PAK2: variants seen among roughly 807,000 people sequenced by gnomAD.
The protein encoded by PAK2 is p21 (RAC1) activated kinase 2.
Under a neutral mutation model 65.9 loss-of-function variants are expected in PAK2, and 21 were observed. That is an observed-to-expected ratio of 0.32 (90% CI 0.23 to 0.46). The LOEUF is 0.46. PAK2 is among the 20% of genes least tolerant of loss of function. PAK2 has a pLI of 1.00. For missense variants in PAK2, 324 were observed against 642.6 expected, an observed-to-expected ratio of 0.50 and a Z score of 5.36; for synonymous variants, 204 against 219.7, an observed-to-expected ratio of 0.93 and a Z score of 0.63.
chr3:196,759,309 T>C (rs967628443), intron 1 of PAK2, among the ~76,000 whole-genome samples: 1 of 152,114 alleles, frequency 6.6e-6, no homozygotes, highest in East Asian at 1.9e-4. Flanking sequence ...GAGTTTCTTC[T>C]TCACCAGAGG....
rs952521912 is a variant in PAK2 at position 196,829,337 on chromosome 3, A to T, written c.*932A>T. 1 of 152,430 alleles carries T rather than the reference A, an allele frequency of 6.6e-6. No individual in the cohort carries two copies. The highest frequency in any genetic ancestry group is 1.9e-4 in the East Asian group (1 of 5,194). 9.4% of individuals were successfully genotyped at this position (152,430 alleles called of 1,614,324 possible). A position where few individuals can be genotyped will look rare whatever the true frequency, so the allele number is the denominator to read the frequency against. On this transcript the variant is annotated 3_prime_UTR_variant, in exon 15 of 15. Coordinates refer to ENST00000327134, the MANE Select transcript of PAK2 (RefSeq NM_002577.4). The stretch of plus-strand genomic sequence containing the variant: ...CTTCAATTTGGAAATAAATTTCTGT[A>T]TATGTTGCAATTTTAGGTTTAGGTT...
intron 4 of PAK2, among the ~76,000 whole-genome samples, chr3:196,804,810 T>G (rs1035859861): frequency 6.0e-5 from 3 of 50,340 alleles, no homozygotes; most frequent in African/African-American, 2.1e-4. Context: ...GTGTGTGATA[T>G]ATATATATAT....
chr3:196,759,492 T>G (rs947171877), intron 1 of PAK2, among the ~76,000 whole-genome samples: 1 of 108,646 alleles, frequency 9.2e-6, no homozygotes, highest in Admixed American at 1.1e-4. Flanking sequence ...TTAAGTGGTT[T>G]TTTTTGTTTT....
chr3:196,802,434 G>A (rs1047083235), intron 3 of PAK2, among the ~76,000 whole-genome samples: 5 of 152,000 alleles, frequency 3.3e-5, no homozygotes, highest in South Asian at 2.1e-4. Context: ...CTATCTATAC[G>A]TTAACTATGA....
At chr3:196,778,954 A>G (rs972799955) in intron 1 of PAK2, among the ~76,000 whole-genome samples, 1 of 152,228 alleles carries the variant, frequency 6.6e-6, no homozygotes, top group Non-Finnish European at 1.5e-5. Context: ...TAATATTGTC[A>G]TGACTTGTCG....
rs1383008867 is a variant in PAK2, at chr3:196,764,823, T to A, written c.-21-17803T>A. The stretch of plus-strand genomic sequence containing the variant: ...TGTGAGTCACTGCACCGACCCCAAA[T>A]TTTCTTTTCTTTTCTTTCTTTTTTT... On this transcript the variant is annotated intron_variant, in intron 1 of 14. Coordinates refer to ENST00000327134, the MANE Select transcript of PAK2 (RefSeq NM_002577.4). 2.0e-5 allele frequency among the ~76,000 whole-genome samples: 3 copies of A among 148,504 alleles called. No individual in the cohort carries two copies. In the East Asian group the frequency reaches 6.0e-4, roughly 30 times the overall value.
rs981327133 is a variant in PAK2 at position 196,809,091 on chromosome 3, AAAG to A, written c.709+1180_709+1182del. Among the ~76,000 whole-genome samples the A allele has an allele frequency of 2.0e-5, 3 of 151,122 alleles. 1 individual carries two copies. Among genetic ancestry groups the A allele is most frequent in the Admixed American group, 1.3e-4 (2 of 15,172 alleles). ...CCACCCCCTCAAAAAAAAAAGAAAA[AAAG>A]AAAATTAACGAGACCTGGTGGTGCA... On this transcript the variant is annotated intron_variant, in intron 7 of 14. Transcript: ENST00000327134.
chr3:196,747,571 T>C (rs185472927), intron 1 of PAK2, among the ~76,000 whole-genome samples: 2 of 152,164 alleles, frequency 1.3e-5, no homozygotes, highest in African/African-American at 4.8e-5. Context: ...TTTAAACTTA[T>C]TGAGTGTTTC....
chr3:196,805,130 C>T (rs1448235768), intron 4 of PAK2, among the ~76,000 whole-genome samples: 1 of 152,024 alleles, frequency 6.6e-6, no homozygotes, highest in Non-Finnish European at 1.5e-5. Context: ...ATATAATTCA[C>T]TGATTTTTAC....
At chr3:196,777,132 A>G (rs1040569183) in intron 1 of PAK2, among the ~76,000 whole-genome samples, 5 of 152,248 alleles carry the variant, frequency 3.3e-5, no homozygotes, top group African/African-American at 1.2e-4. Context: ...GTCATTTTTC[A>G]TAAAAATGTA....
chr3:196,745,266 C>G (rs529278901), intron 1 of PAK2, among the ~76,000 whole-genome samples: 1 of 150,018 alleles, frequency 6.7e-6, no homozygotes, highest in Admixed American at 6.6e-5. Context: ...AGGCACCATA[C>G]CATCGCACCC....
At chr3:196,792,917 C>T (rs146144679) in intron 2 of PAK2, among the ~76,000 whole-genome samples, 9 of 152,186 alleles carry the variant, frequency 5.9e-5, no homozygotes, top group African/African-American at 1.4e-4. Context: ...AAAATTGGCA[C>T]CTGACTCAGC....
At chr3:196,746,556 T>A (rs844545) in intron 1 of PAK2, among the ~76,000 whole-genome samples, 70,774 of 151,928 alleles carry the variant, frequency 0.47, 16,974 homozygotes, top group Non-Finnish European at 0.53. Flanking sequence ...TCATGCCTGT[T>A]ATCCCAGCAC....
chr3:196,812,683 T>C, intron 9 of PAK2, 56 bp from the exon 10 acceptor site: 2 of 797,552 alleles, frequency 2.5e-6, no homozygotes, highest in Non-Finnish European at 4.3e-6. Flanking sequence ...TTGGGGTTTG[T>C]AATTTTCTAA....
At chr3:196,751,342 G>A (rs9826214) in intron 1 of PAK2, among the ~76,000 whole-genome samples, 70,565 of 151,400 alleles carry the variant, frequency 0.47, 16,927 homozygotes, top group Non-Finnish European at 0.53. Flanking sequence ...ACCATGTTTC[G>A]TGCACAAAAT....
intron 2 of PAK2, among the ~76,000 whole-genome samples, chr3:196,801,319 G>A (rs1026372634): frequency 1.3e-5 from 2 of 152,086 alleles, no homozygotes; most frequent in Admixed American, 6.6e-5. Context: ...GTGCCCGAAG[G>A]GGGTGTCTCT....
chr3:196,812,819 G>C lies in PAK2; in HGVS notation c.903G>C (p.Leu301Phe), dbSNP rs756962222. The stretch of plus-strand genomic sequence containing the variant: ...ACGAGATTCTGGTGATGAAAGAATT[G>C]AAAAATCCCAACATCGTTAACTTTT... ...IINEILVMKE[L>F]KNPNIVNFLD... The change falls in exon 10 of 15, where the codon TTG becomes TTC. Residue 301 changes from leucine to phenylalanine, a missense_variant. Physicochemically the swap from Leu to Phe is conservative, Grantham distance 22 (BLOSUM62 0). Transcript: ENST00000327134. 1.6e-5 allele frequency: 25 copies of C among 1,547,844 alleles called. No homozygotes were observed. The highest frequency in any genetic ancestry group is 2.1e-5 in the Non-Finnish European group (24 of 1,120,526).
At chr3:196,746,828 A>AG (rs1339424130) in intron 1 of PAK2, among the ~76,000 whole-genome samples, 2,170 of 94,034 alleles carry the variant, frequency 0.023, 115 homozygotes, top group Admixed American at 0.12. Flanking sequence ...AAAAAAAAAA[A>AG]AAGGATAGGC....
In PAK2 at chr3:196,777,195, G is replaced by GT. The variant is rs559106024; in HGVS notation, c.-21-5423dup. ...TTAAATGAATTATTTAAACAACTTG[G>GT]TTTTTTTTGTTTTGTTTTGTATTTT... On this transcript the variant is annotated intron_variant, in intron 1 of 14. Transcript: ENST00000327134. Among the ~76,000 whole-genome samples, 18 of 151,788 alleles carry GT rather than the reference G, an allele frequency of 1.2e-4. No individual in the cohort carries two copies. The South Asian group carries it at 2.1e-3, about 18-fold the overall frequency.
Sources: gnomAD v4.1 joint callset for allele counts (sites outside exome capture counted in the v4.1 genomes callset) on GRCh38, gnomAD v4.1.1 for gene constraint, MANE v1.5 for transcripts, NCBI Gene and HGNC (gene_info 2026-07-23, HGNC 2026-07-21) for gene names.